Variants in NXPH1 observed in about 807,000 individuals in gnomAD.
NXPH1 encodes the protein neurexophilin-1.
A neutral mutation model predicts 23.7 loss-of-function variants in NXPH1; 5 were observed. That is an observed-to-expected ratio of 0.21 (90% CI 0.11 to 0.44). The LOEUF (loss-of-function observed/expected upper bound fraction) is 0.44, where lower values mean the gene tolerates loss of function less well. NXPH1 is among the 20% of genes least tolerant of loss of function. The pLI is 0.99. For missense variants in NXPH1, 324 were observed against 321.6 expected (o/e 1.01, Z -0.06); for synonymous variants, 144 against 122.2 (o/e 1.18, Z -1.18).
At chr7:8,613,832 CT>C (rs1447077356) in intron 2 of NXPH1, among the ~76,000 whole-genome samples, 1 of 151,626 alleles carries the variant, frequency 6.6e-6, no homozygotes, top group East Asian at 1.9e-4. Context: ...TCTTGGCCAT[CT>C]TTTTTCATTA....
intron 2 of NXPH1, among the ~76,000 whole-genome samples, chr7:8,744,905 G>A (rs575868087): frequency 1.1e-4 from 17 of 152,206 alleles, no homozygotes; most frequent in African/African-American, 3.6e-4. Flanking sequence ...TTTTTCAAAT[G>A]AAATATTGCA....
chr7:8,443,636 G>A (rs1816345155), intron 2 of NXPH1, among the ~76,000 whole-genome samples: 1 of 152,230 alleles, frequency 6.6e-6, no homozygotes, highest in South Asian at 2.1e-4. Context: ...ATTATTCACG[G>A]GGAGCAGGAC....
chr7:8,613,454 C>A (rs137943488), intron 2 of NXPH1, among the ~76,000 whole-genome samples: 3 of 152,030 alleles, frequency 2.0e-5, no homozygotes, highest in Non-Finnish European at 4.4e-5. Context: ...AACTTAATTT[C>A]TTTCTTTGAT....
At chr7:8,601,269 C>A (rs1186439920) in intron 2 of NXPH1, among the ~76,000 whole-genome samples, 1 of 151,856 alleles carries the variant, frequency 6.6e-6, no homozygotes, top group Non-Finnish European at 1.5e-5. Context: ...AAGGAAGTAA[C>A]CAAACTTCTT....
chr7:8,525,979 C>A (rs944540155), intron 2 of NXPH1, among the ~76,000 whole-genome samples: 3 of 131,918 alleles, frequency 2.3e-5, no homozygotes, highest in Non-Finnish European at 4.9e-5. Context: ...AGGGCCACTG[C>A]CCTCCAGACC....
intron 2 of NXPH1, among the ~76,000 whole-genome samples, chr7:8,558,758 C>T (rs767486457): frequency 3.3e-5 from 5 of 151,612 alleles, no homozygotes; most frequent in African/African-American, 4.8e-5. Flanking sequence ...CAGCAGATTT[C>T]GAGGTATTTT....
At chr7:8,732,248 C>G (rs994246530) in intron 2 of NXPH1, among the ~76,000 whole-genome samples, 1 of 152,214 alleles carries the variant, frequency 6.6e-6, no homozygotes, top group Non-Finnish European at 1.5e-5. Flanking sequence ...GTCTGGCACT[C>G]CCTAGTGAGA....
intron 2 of NXPH1, among the ~76,000 whole-genome samples, chr7:8,697,934 T>C (rs1779561010): frequency 6.6e-6 from 1 of 152,170 alleles, no homozygotes; most frequent in African/African-American, 2.4e-5. Context: ...ATTTATGGCC[T>C]GAAGGTCATG....
At chr7:8,595,182 C>A (rs1436558372) in intron 2 of NXPH1, among the ~76,000 whole-genome samples, 1 of 151,726 alleles carries the variant, frequency 6.6e-6, no homozygotes. Flanking sequence ...AGGAGTGTTA[C>A]TTCTGCCAGT....
intron 2 of NXPH1, among the ~76,000 whole-genome samples, chr7:8,622,983 C>T (rs1292243445): frequency 1.3e-5 from 2 of 152,114 alleles, no homozygotes; most frequent in African/African-American, 4.8e-5. Context: ...AGTATTTGAA[C>T]TACTCCTTGA....
chr7:8,482,047 G>A (rs1443168153), intron 2 of NXPH1, among the ~76,000 whole-genome samples: 1 of 152,196 alleles, frequency 6.6e-6, no homozygotes, highest in Non-Finnish European at 1.5e-5. Context: ...GAGGCTCAGA[G>A]CATCTGGTCA....
chr7:8,449,797 T>C (rs566139970), intron 2 of NXPH1, among the ~76,000 whole-genome samples: 9 of 152,342 alleles, frequency 5.9e-5, no homozygotes, highest in African/African-American at 1.4e-4. Context: ...GCAGATCTTA[T>C]TTGGGGAACT....
intron 2 of NXPH1, among the ~76,000 whole-genome samples, chr7:8,525,160 A>G (rs537481723): frequency 6.6e-6 from 1 of 152,320 alleles, no homozygotes; most frequent in Admixed American, 6.5e-5. Context: ...CAGATGGAGA[A>G]GAGGAACTTG....
intron 2 of NXPH1, among the ~76,000 whole-genome samples, chr7:8,577,303 A>G (rs1012124012): frequency 6.6e-6 from 1 of 152,216 alleles, no homozygotes; most frequent in Admixed American, 6.5e-5. Context: ...TAGTGGATCA[A>G]GTAAGACTGC....
intron 2 of NXPH1, among the ~76,000 whole-genome samples, chr7:8,445,413 C>G (rs1234272641): frequency 6.6e-6 from 1 of 152,212 alleles, no homozygotes; most frequent in Non-Finnish European, 1.5e-5. Flanking sequence ...AAAGAGGTGA[C>G]TGGAAACAGC....
At position 8,739,171 on chromosome 7, in the gene NXPH1, TAAAAAAA is replaced by T. The variant is rs34593997; in HGVS notation, c.55-11810_55-11804del. On this transcript the variant is annotated intron_variant, in intron 2 of 2. Coordinates refer to ENST00000405863, the MANE Select transcript of NXPH1 (RefSeq NM_152745.3). ...ACTGGAGTTCCAGGCACCAGTGGGG[TAAAAAAA>T]AAAAAAAAAAAAAAAAAAAAAAAAA... Among the ~76,000 whole-genome samples, 382 of 54,064 alleles carry T rather than the reference TAAAAAAA, an allele frequency of 7.1e-3. 8 individuals are homozygous for T. The highest frequency in any genetic ancestry group is 0.027 in the African/African-American group (354 of 13,102). The allele number at this position is 54,064 out of a possible 152,430, so 35.5% of individuals were successfully genotyped here.
intron 2 of NXPH1, among the ~76,000 whole-genome samples, chr7:8,747,270 T>C (rs1780486880): frequency 6.6e-6 from 1 of 152,216 alleles, no homozygotes; most frequent in Non-Finnish European, 1.5e-5. Flanking sequence ...ACTACAGCTG[T>C]GGATAACATA....
intron 2 of NXPH1, among the ~76,000 whole-genome samples, chr7:8,467,603 A>G (rs1322027057): frequency 1.3e-5 from 2 of 152,172 alleles, no homozygotes; most frequent in African/African-American, 4.8e-5. Context: ...GGGGGCTAGC[A>G]CATACCTTTG....
intron 2 of NXPH1, among the ~76,000 whole-genome samples, chr7:8,507,284 A>G (rs1196013487): frequency 6.6e-6 from 1 of 151,750 alleles, no homozygotes; most frequent in Non-Finnish European, 1.5e-5. Flanking sequence ...ATGGAACACA[A>G]AGATGAAGAA....
Sources: gnomAD v4.1 joint callset for allele counts (sites outside exome capture counted in the v4.1 genomes callset) on GRCh38, gnomAD v4.1.1 for gene constraint, MANE v1.5 for transcripts, NCBI Gene and HGNC (gene_info 2026-07-23, HGNC 2026-07-21) for gene names.